Variants in FLI1 observed in about 807,000 individuals in gnomAD.
FLI1 encodes the protein Friend leukemia integration 1 transcription factor.
In FLI1, 13 loss-of-function variants were observed where a neutral mutation model predicts 53.1. The ratio of observed to expected loss-of-function variants is 0.24; its 90% CI spans 0.16 to 0.39. FLI1 has a LOEUF of 0.39. FLI1 is among the 10% of genes least tolerant of loss of function. The pLI is 1.00. For missense variants in FLI1, 424 were observed against 600.5 expected (o/e 0.71, Z 3.07); for synonymous variants, 244 against 236.7 (o/e 1.03, Z -0.28).
chr11:128,750,932 T>A (rs1342823168), intron 1 of FLI1, among the ~76,000 whole-genome samples: 1 of 152,228 alleles, frequency 6.6e-6, no homozygotes, highest in Admixed American at 6.5e-5. Flanking sequence ...AACAACAGTA[T>A]AAATAGGTGC....
chr11:128,686,502 C>G (rs752603756), upstream of FLI1: 5 of 456,638 alleles, frequency 1.1e-5, no homozygotes, highest in South Asian at 7.7e-5. Context: ...CCTCCCTCGC[C>G]GGACTAGGCG....
intron 1 of FLI1, chr11:128,696,030 T>G (rs568920143): frequency 6.6e-6 from 1 of 152,362 alleles, no homozygotes; most frequent in Non-Finnish European, 1.5e-5. Context: ...GCACAGGCCC[T>G]GAGCAAAAGG....
At chr11:128,754,444 G>T (rs937258485) in intron 1 of FLI1, among the ~76,000 whole-genome samples, 1 of 152,178 alleles carries the variant, frequency 6.6e-6, no homozygotes, top group Non-Finnish European at 1.5e-5. Flanking sequence ...AGTAAAGAAA[G>T]GTTACTTGCA....
chr11:128,765,132 G>A (rs768075315), intron 2 of FLI1, among the ~76,000 whole-genome samples: 2 of 152,192 alleles, frequency 1.3e-5, no homozygotes, highest in Non-Finnish European at 2.9e-5. Context: ...CTCAGGGAAT[G>A]AGTGGCAGCG....
intron 1 of FLI1, among the ~76,000 whole-genome samples, chr11:128,744,954 C>G (rs1940313867): frequency 6.6e-6 from 1 of 152,154 alleles, no homozygotes; most frequent in Non-Finnish European, 1.5e-5. Flanking sequence ...TTATGCTGGG[C>G]TGGAGTGAGC....
chr11:128,723,380 G>T (rs1939336490), intron 1 of FLI1, among the ~76,000 whole-genome samples: 1 of 152,272 alleles, frequency 6.6e-6, no homozygotes, highest in South Asian at 2.1e-4. Flanking sequence ...ATCTCCATGG[G>T]TGTCTACGTC....
chr11:128,748,118 A>C (rs1182626922), intron 1 of FLI1: 1 of 236,530 alleles, frequency 4.2e-6, no homozygotes, highest in Non-Finnish European at 6.9e-6. Flanking sequence ...TACAGGGTAC[A>C]GTCCTGGGAG....
chr11:128,690,332 G>C (rs1424025230), upstream of FLI1, among the ~76,000 whole-genome samples: 1 of 152,180 alleles, frequency 6.6e-6, no homozygotes, highest in East Asian at 1.9e-4. Context: ...AGGACGGAGG[G>C]AGAGGAGCGG....
upstream of FLI1, among the ~76,000 whole-genome samples, chr11:128,693,548 G>T (rs542577058): frequency 4.0e-5 from 6 of 151,096 alleles, no homozygotes; most frequent in African/African-American, 1.5e-4. Context: ...GTTTGTCTCC[G>T]GCTGGAAAAA....
At chr11:128,809,059 TG>T in intron 7 of FLI1, 97 bp from the exon 8 acceptor site, 1 of 922,168 alleles carries the variant, frequency 1.1e-6, no homozygotes, top group Non-Finnish European at 1.7e-6. Flanking sequence ...CCTGTGATCT[TG>T]AAATAAAAGT....
chr11:128,800,426 A>G (rs1030007795), intron 5 of FLI1, among the ~76,000 whole-genome samples: 1 of 152,184 alleles, frequency 6.6e-6, no homozygotes, highest in African/African-American at 2.4e-5. Context: ...TCAGGTCACA[A>G]GGTGGAGCGC....
intron 1 of FLI1, among the ~76,000 whole-genome samples, chr11:128,743,326 G>A (rs1462820820): frequency 3.3e-5 from 5 of 151,456 alleles, no homozygotes; most frequent in African/African-American, 9.7e-5. Context: ...GATTCCTTGG[G>A]CCCAAAAGTT....
intron 1 of FLI1, among the ~76,000 whole-genome samples, chr11:128,739,804 G>A (rs1212233653): frequency 6.6e-6 from 1 of 152,162 alleles, no homozygotes; most frequent in East Asian, 1.9e-4. Context: ...AAGACAGACT[G>A]TTTGGTTCAT....
rs368251838 is a variant in FLI1, at chr11:128,768,127, G to A, written c.240G>A (p.Pro80=). 56 of 1,612,224 alleles carry A rather than the reference G, an allele frequency of 3.5e-5. No homozygotes were observed. Among genetic ancestry groups the A allele is most frequent in the Admixed American group, 1.2e-4 (7 of 59,774 alleles). Residue 80 remains proline (P), a synonymous_variant, in exon 3 of 9, where the codon CCG becomes CCA. Transcript: ENST00000527786. ...YDHMNGSRES[P]VDCSVSKCSK... is the part of the protein sequence containing the mutation. ...TCTCTTCTCACTTTAGGGAGTCTCC[G>A]GTGGACTGCAGCGTTAGCAAATGCA...
At position 128,758,233 on chromosome 11, in the gene FLI1, A is replaced by G; in HGVS notation, c.137A>G (p.His46Arg). The part of the protein sequence containing the change: ...ASGSPDYGQP[H>R]KINPLPPQQE... ...GGGAGTCCTGACTACGGGCAGCCCCACAAGATCAACCCCCTCCCACCACAG... is the reference window on the plus strand; with the variant it reads ...GGGAGTCCTGACTACGGGCAGCCCCGCAAGATCAACCCCCTCCCACCACAG... The change falls in exon 2 of 9, where the codon CAC (histidine) becomes CGC (arginine). Residue 46 changes from histidine (H) to arginine (R), a missense_variant. His to Arg is a conservative substitution (Grantham distance 29). Around this residue, in one of 5 missense-constraint regions of FLI1, gnomAD observed 137 missense variants for 169.1 expected, o/e 0.81. Coordinates refer to ENST00000527786, the MANE Select transcript of FLI1 (RefSeq NM_002017.5). 6.2e-7 allele frequency: 1 copy of G among 1,613,456 alleles called. No homozygotes were observed. The highest frequency in any genetic ancestry group is 8.5e-7 in the Non-Finnish European group (1 of 1,179,688).
intron 1 of FLI1, among the ~76,000 whole-genome samples, chr11:128,747,037 A>G (rs1487096976): frequency 6.6e-6 from 1 of 152,144 alleles, no homozygotes; most frequent in Admixed American, 6.5e-5. Flanking sequence ...GGCTGCTCCC[A>G]GTGTGGTCCA....
chr11:128,764,758 T>C, intron 2 of FLI1: 1 of 1,588,858 alleles, frequency 6.3e-7, no homozygotes, highest in Non-Finnish European at 8.5e-7. Context: ...TTGCGCTGGC[T>C]GGAGGAGGCA....
chr11:128,811,283 T>A lies in FLI1; in HGVS notation c.*295T>A. ...TAAGATTACTGGAATGGTTAAGTCA[T>A]GGTTCTGAGAAAGAAGCTGTACGTT... is the stretch of plus-strand genomic sequence containing the variant. On this transcript the variant is annotated 3_prime_UTR_variant, in exon 9 of 9. Coordinates refer to ENST00000527786, the MANE Select transcript of FLI1 (RefSeq NM_002017.5). 1 of 462,712 alleles carries A rather than the reference T, an allele frequency of 2.2e-6. No homozygotes were observed. The highest frequency in any genetic ancestry group is 2.8e-5 in the South Asian group (1 of 36,240). 28.7% of individuals were successfully genotyped at this position (462,712 alleles called of 1,614,324 possible).
At chr11:128,696,525 C>CA (rs970833827) in intron 1 of FLI1, among the ~76,000 whole-genome samples, 1 of 152,182 alleles carries the variant, frequency 6.6e-6, no homozygotes, top group Non-Finnish European at 1.5e-5. Flanking sequence ...TCATAGTCAT[C>CA]ACAAAAATGA....
Sources: gnomAD v4.1 joint callset for allele counts (sites outside exome capture counted in the v4.1 genomes callset) on GRCh38, gnomAD v4.1.1 for gene constraint, gnomAD v4.1.1 regional missense constraint, MANE v1.5 for transcripts, NCBI Gene and HGNC (gene_info 2026-07-23, HGNC 2026-07-21) for gene names.